The following PDE4D variants were observed in gnomAD, a reference collection of about 807,000 sequenced individuals.
PDE4D encodes 3',5'-cyclic-AMP phosphodiesterase 4D.
A neutral mutation model predicts 87.4 loss-of-function variants in PDE4D; 24 were observed. That is an observed-to-expected ratio of 0.27 (90% CI 0.20 to 0.39). The LOEUF (loss-of-function observed/expected upper bound fraction) is 0.39. Ranked by LOEUF, PDE4D falls within the 10% of genes least tolerant of loss-of-function variation. PDE4D has a pLI of 1.00. For synonymous variants in PDE4D, 384 were observed against 383.2 expected, an observed-to-expected ratio of 1.00 and a Z score of -0.02; for missense variants, 714 against 1,041.0, an observed-to-expected ratio of 0.69 and a Z score of 4.32.
At chr5:59,305,117 C>A (rs1383695576) in intron 1 of PDE4D, among the ~76,000 whole-genome samples, 2 of 152,066 alleles carry the variant, frequency 1.3e-5, no homozygotes, top group East Asian at 3.9e-4. Flanking sequence ...CTGATTTAAG[C>A]TAGGAGTGTT....
chr5:59,434,737 T>C (rs1796564906), intron 1 of PDE4D, among the ~76,000 whole-genome samples: 1 of 152,064 alleles, frequency 6.6e-6, no homozygotes, highest in Non-Finnish European at 1.5e-5. Flanking sequence ...TCCCCACATT[T>C]CTTCTTATAT....
chr5:58,989,890 A>T lies in PDE4D; in HGVS notation c.1317T>A (p.Ile439=). ...QERDLLKTFK[I]PVDTLITYLM... ...GATATGTAATTAAAGTATCTACTGG[A>T]ATTTTAAATGTTTTTAATAAATCCC... Residue 439 remains isoleucine (I), a synonymous_variant, in exon 10 of 15, where the codon ATT becomes ATA. Transcript: ENST00000340635. The T allele has an allele frequency of 6.5e-7, 1 of 1,545,578 alleles. No homozygotes were observed. The highest frequency in any genetic ancestry group is 1.7e-5 in the Admixed American group (1 of 57,494).
chr5:59,447,001 A>G (rs1798448645), intron 1 of PDE4D, among the ~76,000 whole-genome samples: 1 of 152,194 alleles, frequency 6.6e-6, no homozygotes, highest in Non-Finnish European at 1.5e-5. Flanking sequence ...GCATCCATGC[A>G]GGTGCATTAG....
intron 1 of PDE4D, among the ~76,000 whole-genome samples, chr5:60,317,589 A>C (rs1755755377): frequency 6.6e-6 from 1 of 152,098 alleles, no homozygotes; most frequent in African/African-American, 2.4e-5. Flanking sequence ...TAGGGTGTCC[A>C]TTTTAGATCT....
rs1224099125 is a variant in PDE4D at position 58,973,316 on chromosome 5, G to GTGA, written c.*1345_*1347dup. Reference sequence around the variant, plus strand: ...TTTCTTTTCACCGGTGACAATGGTAGTGATATATTTGACAAGACCTCATCT... The same window carrying GTGA: ...TTTCTTTTCACCGGTGACAATGGTAGTGATGATATATTTGACAAGACCTCATCT... On this transcript the variant is annotated 3_prime_UTR_variant, in exon 15 of 15. Coordinates refer to ENST00000340635, the MANE Select transcript of PDE4D (RefSeq NM_001104631.2). The GTGA allele has an allele frequency of 6.6e-6, 1 of 152,196 alleles. No individual in the cohort carries two copies. Among genetic ancestry groups the GTGA allele is most frequent in the Non-Finnish European group, 1.5e-5 (1 of 68,038 alleles). The allele number at this position is 152,196 out of a possible 1,614,324, so 9.4% of individuals were successfully genotyped here.
At chr5:59,854,730 C>T (rs1182741507) in intron 1 of PDE4D, among the ~76,000 whole-genome samples, 1 of 152,056 alleles carries the variant, frequency 6.6e-6, no homozygotes, top group Non-Finnish European at 1.5e-5. Flanking sequence ...ACAATTAATA[C>T]AGTCACCCTA....
chr5:60,344,775 T>C (rs1758601028), intron 1 of PDE4D, among the ~76,000 whole-genome samples: 2 of 152,138 alleles, frequency 1.3e-5, no homozygotes, highest in Admixed American at 1.3e-4. Flanking sequence ...AAAACACTCA[T>C]CTATATAGTC....
At chr5:60,039,704 T>C (rs946746064) in intron 2 of PDE4D, among the ~76,000 whole-genome samples, 2 of 152,196 alleles carry the variant, frequency 1.3e-5, no homozygotes, top group African/African-American at 2.4e-5. Flanking sequence ...TAGTTTAATC[T>C]ACACCAAGTA....
intron 1 of PDE4D, among the ~76,000 whole-genome samples, chr5:59,657,151 C>A (rs1744497326): frequency 6.6e-6 from 1 of 152,022 alleles, no homozygotes; most frequent in African/African-American, 2.4e-5. Flanking sequence ...ATTGAAAGGA[C>A]AAATTTGAAA....
rs1456626730 is a variant in PDE4D at position 59,175,478 on chromosome 5, T to C, written c.808+5117A>G. 2.3e-3 allele frequency among the ~76,000 whole-genome samples: 292 copies of C among 126,788 alleles called. 11 individuals carry two copies. The highest frequency in any genetic ancestry group is 7.5e-3 in the Middle Eastern group (2 of 266). 83.2% of individuals were successfully genotyped at this position (126,788 alleles called of 152,430 possible). A position where few individuals can be genotyped will look rare whatever the true frequency, so the allele number is the denominator to read the frequency against. On this transcript the variant is annotated intron_variant, in intron 5 of 14. Transcript: ENST00000340635. ...CTCTATCCATTTTTCTTTCTTTTTT[T>C]TTTTTTTTTTTTTTTTTTTTTGAGA...
chr5:59,975,397 T>C (rs1198769108), intron 3 of PDE4D, among the ~76,000 whole-genome samples: 1 of 152,244 alleles, frequency 6.6e-6, no homozygotes, highest in African/African-American at 2.4e-5. Context: ...CCTCCAAATA[T>C]GATCTATCTT....
intron 1 of PDE4D, among the ~76,000 whole-genome samples, chr5:60,361,281 T>C (rs1760037752): frequency 6.6e-6 from 1 of 152,198 alleles, no homozygotes; most frequent in South Asian, 2.1e-4. Flanking sequence ...AAGGATTGAA[T>C]TTAGTTTGTA....
intron 1 of PDE4D, among the ~76,000 whole-genome samples, chr5:59,599,999 C>T (rs1170858767): frequency 6.6e-6 from 1 of 152,188 alleles, no homozygotes; most frequent in Non-Finnish European, 1.5e-5. Context: ...AATTGGTATC[C>T]CTGCTGGGTC....
intron 1 of PDE4D, among the ~76,000 whole-genome samples, chr5:59,270,491 C>T (rs1335591373): frequency 6.6e-6 from 1 of 152,080 alleles, no homozygotes; most frequent in Non-Finnish European, 1.5e-5. Context: ...ATAATCTATT[C>T]AAAATTGTGA....
intron 1 of PDE4D, among the ~76,000 whole-genome samples, chr5:59,630,592 A>T (rs944990788): frequency 1.3e-5 from 2 of 152,236 alleles, no homozygotes; most frequent in African/African-American, 4.8e-5. Context: ...GAAAAGAAAC[A>T]CTTCAATTGG....
chr5:60,150,087 T>C (rs945659858), intron 2 of PDE4D, among the ~76,000 whole-genome samples: 2 of 149,178 alleles, frequency 1.3e-5, no homozygotes, highest in Non-Finnish European at 3.0e-5. Context: ...TATAGAATTA[T>C]ATATACTAGT....
chr5:59,065,127 T>C (rs1006287314), intron 5 of PDE4D, among the ~76,000 whole-genome samples: 3 of 142,040 alleles, frequency 2.1e-5, no homozygotes, highest in Admixed American at 7.0e-5. Context: ...CACACACATA[T>C]ACAATGAAAT....
At chr5:59,934,255 A>G (rs1756309867) in intron 3 of PDE4D, among the ~76,000 whole-genome samples, 1 of 152,274 alleles carries the variant, frequency 6.6e-6, no homozygotes, top group African/African-American at 2.4e-5. Context: ...AACAGTAACA[A>G]AAGAGGGGAA....
At chr5:60,168,640 C>T (rs1783144388) in intron 2 of PDE4D, among the ~76,000 whole-genome samples, 1 of 152,180 alleles carries the variant, frequency 6.6e-6, no homozygotes, top group Non-Finnish European at 1.5e-5. Flanking sequence ...TTGCATGTAA[C>T]CTACGCACAT....
Sources: gnomAD v4.1 joint callset for allele counts (sites outside exome capture counted in the v4.1 genomes callset) on GRCh38, gnomAD v4.1.1 for gene constraint, MANE v1.5 for transcripts, NCBI Gene and HGNC (gene_info 2026-07-23, HGNC 2026-07-21) for gene names.